Variants in HS6ST3 observed in about 807,000 individuals in gnomAD.
HS6ST3 encodes the protein heparan-sulfate 6-O-sulfotransferase 3.
HS6ST3 carries 12 observed loss-of-function variants against 36.7 expected under a neutral mutation model. The observed-to-expected ratio is 0.33, with a 90% CI of 0.21 to 0.53. HS6ST3 has a LOEUF of 0.53. Among genes scored for constraint, HS6ST3 ranks in the 20% least tolerant of loss-of-function variants. The pLI, the probability that HS6ST3 is intolerant of heterozygous loss-of-function variation, is 0.95. For missense variants in HS6ST3, 584 were observed against 640.9 expected (o/e 0.91, Z 0.96); for synonymous variants, 240 against 257.5 (o/e 0.93, Z 0.65).
In HS6ST3 at chr13:96,272,867, A is replaced by G. The variant is rs990199639; in HGVS notation, c.707+181298A>G. ...AGTAAATTACTGCTACAGTGAGCCA[A>G]AAAAATACCCTAAAGAATACTAAGT... On this transcript the variant is annotated intron_variant, in intron 1 of 1. Transcript: ENST00000376705. 2.0e-4 allele frequency among the ~76,000 whole-genome samples: 30 copies of G among 151,952 alleles called. 1 individual carries two copies. The highest frequency in any genetic ancestry group is 7.3e-4 in the African/African-American group (30 of 41,260).
chr13:96,557,683 C>T (rs928241205), intron 1 of HS6ST3, among the ~76,000 whole-genome samples: 16 of 152,184 alleles, frequency 1.1e-4, no homozygotes, highest in Admixed American at 7.9e-4. Flanking sequence ...ATGTCCAAAC[C>T]ATGGTTCACT....
chr13:96,443,312 C>G (rs901248132), intron 1 of HS6ST3, among the ~76,000 whole-genome samples: 1 of 151,872 alleles, frequency 6.6e-6, no homozygotes, highest in African/African-American at 2.4e-5. Flanking sequence ...GGGCGGATCA[C>G]AAGGTCAGGA....
chr13:96,480,033 C>T (rs2055882876), intron 1 of HS6ST3, among the ~76,000 whole-genome samples: 1 of 152,168 alleles, frequency 6.6e-6, no homozygotes, highest in South Asian at 2.1e-4. Flanking sequence ...TCTGTGTGCT[C>T]AGGAGTGGGA....
chr13:96,553,178 C>T (rs909400119), intron 1 of HS6ST3, among the ~76,000 whole-genome samples: 1 of 152,182 alleles, frequency 6.6e-6, no homozygotes, highest in East Asian at 1.9e-4. Context: ...CTCAGTTCTA[C>T]ATTGTGGTCC....
At chr13:96,102,058 T>G (rs1013068407) in intron 1 of HS6ST3, among the ~76,000 whole-genome samples, 2 of 152,202 alleles carry the variant, frequency 1.3e-5, no homozygotes, top group Non-Finnish European at 2.9e-5. Flanking sequence ...CCAGTGAATT[T>G]AGAAAATCTG....
intron 1 of HS6ST3, among the ~76,000 whole-genome samples, chr13:96,627,018 C>T (rs2056515073): frequency 6.6e-6 from 1 of 152,012 alleles, no homozygotes; most frequent in Non-Finnish European, 1.5e-5. Flanking sequence ...TTTTTCCACT[C>T]TGGTTCCTGT....
At chr13:96,676,284 G>T (rs981851604) in intron 1 of HS6ST3, among the ~76,000 whole-genome samples, 3 of 152,050 alleles carry the variant, frequency 2.0e-5, no homozygotes, top group Non-Finnish European at 4.4e-5. Context: ...CTCTCTGTGA[G>T]TCTAGATCTG....
chr13:96,533,229 G>A (rs956170450), intron 1 of HS6ST3, among the ~76,000 whole-genome samples: 1 of 152,108 alleles, frequency 6.6e-6, no homozygotes, highest in Non-Finnish European at 1.5e-5. Flanking sequence ...CTTCAGGGGG[G>A]TAGAGACACA....
chr13:96,729,705 G>A (rs1876096486), intron 1 of HS6ST3, among the ~76,000 whole-genome samples: 1 of 151,932 alleles, frequency 6.6e-6, no homozygotes, highest in African/African-American at 2.4e-5. Context: ...GGCCTCAAGT[G>A]ATACCCGACT....
chr13:96,589,705 T>A (rs1206008250), intron 1 of HS6ST3, among the ~76,000 whole-genome samples: 1 of 152,134 alleles, frequency 6.6e-6, no homozygotes, highest in Non-Finnish European at 1.5e-5. Flanking sequence ...TATTTTGTAT[T>A]TCTGTATTTA....
chr13:96,629,530 G>A (rs551837215), intron 1 of HS6ST3, among the ~76,000 whole-genome samples: 58 of 152,252 alleles, frequency 3.8e-4, no homozygotes, highest in Admixed American at 1.1e-3. Flanking sequence ...CTAGGGCCAC[G>A]TCATGCATGC....
chr13:96,132,835 T>G (rs907168415), intron 1 of HS6ST3, among the ~76,000 whole-genome samples: 5 of 152,354 alleles, frequency 3.3e-5, no homozygotes, highest in East Asian at 1.9e-4. Flanking sequence ...TGAGGTAATA[T>G]CTCATTGTGG....
chr13:96,443,387 G>T (rs966031651), intron 1 of HS6ST3, among the ~76,000 whole-genome samples: 2 of 151,720 alleles, frequency 1.3e-5, no homozygotes, highest in African/African-American at 4.8e-5. Flanking sequence ...AAAATTAGCC[G>T]GGCATGGTGG....
intron 1 of HS6ST3, among the ~76,000 whole-genome samples, chr13:96,637,357 T>C (rs2139004418): frequency 6.6e-6 from 1 of 152,294 alleles, no homozygotes; most frequent in East Asian, 1.9e-4. Context: ...GATTTCATGC[T>C]ATCAGGATGT....
chr13:96,649,541 C>G (rs762961604), intron 1 of HS6ST3, among the ~76,000 whole-genome samples: 11 of 152,046 alleles, frequency 7.2e-5, no homozygotes, highest in African/African-American at 2.7e-4. Context: ...TTCCTTGACT[C>G]TTCTCTCTGT....
In HS6ST3 at chr13:96,834,076, T is replaced by C. The variant is rs1471204042; in HGVS notation, c.*878T>C. On this transcript the variant is annotated 3_prime_UTR_variant, in exon 2 of 2. Coordinates refer to ENST00000376705, the MANE Select transcript of HS6ST3 (RefSeq NM_153456.4). ...CAATATATGCCTAACATTTCTAAAC[T>C]GGCCACATAACCTTAGATTTTTAAA... 1 of 152,240 alleles carries C rather than the reference T, an allele frequency of 6.6e-6. No homozygotes were observed. Among genetic ancestry groups the C allele is most frequent in the Non-Finnish European group, 1.5e-5 (1 of 68,052 alleles). 9.4% of individuals were successfully genotyped at this position (152,240 alleles called of 1,614,324 possible).
chr13:96,292,237 T>G (rs2054833748), intron 1 of HS6ST3, among the ~76,000 whole-genome samples: 1 of 151,518 alleles, frequency 6.6e-6, no homozygotes, highest in Non-Finnish European at 1.5e-5. Context: ...TGTGTGTGTA[T>G]AAAAGTTTAG....
intron 1 of HS6ST3, among the ~76,000 whole-genome samples, chr13:96,624,216 G>A (rs2056504525): frequency 2.6e-5 from 4 of 151,730 alleles, no homozygotes; most frequent in South Asian, 2.1e-4. Context: ...ATGCCATTAC[G>A]GCTTAAGTAA....
chr13:96,520,759 G>A (rs1040803324), intron 1 of HS6ST3, among the ~76,000 whole-genome samples: 1 of 152,062 alleles, frequency 6.6e-6, no homozygotes, highest in Non-Finnish European at 1.5e-5. Flanking sequence ...GAGACGATGG[G>A]GTTTTCTAAA....
Sources: allele counts gnomAD v4.1 joint callset (sites outside exome capture counted in the v4.1 genomes callset), GRCh38; gene constraint gnomAD v4.1.1; transcripts MANE v1.5; gene names NCBI Gene and HGNC (gene_info 2026-07-23, HGNC 2026-07-21).